PTPRO: variants seen among roughly 807,000 people sequenced by gnomAD.
PTPRO encodes receptor-type tyrosine-protein phosphatase O.
PTPRO carries 62 observed loss-of-function variants against 145.2 expected under a neutral mutation model. The ratio of observed to expected loss-of-function variants is 0.43; its 90% CI spans 0.35 to 0.53. PTPRO has a LOEUF of 0.53. Ranked by LOEUF, PTPRO falls within the 20% of genes least tolerant of loss-of-function variation. PTPRO has a pLI of 0.01. For synonymous variants in PTPRO, 565 were observed against 514.7 expected (o/e 1.10, Z -1.32); for missense variants, 1,345 against 1,482.7 (o/e 0.91, Z 1.53).
At chr12:15,554,283 A>T in intron 15 of PTPRO, among the ~76,000 whole-genome samples, 1 of 152,142 alleles carries the variant, frequency 6.6e-6, no homozygotes. Flanking sequence ...TCCAGGTCAG[A>T]GTTGGGGGAA....
chr12:15,445,006 A>AC (rs1229678457), intron 1 of PTPRO, among the ~76,000 whole-genome samples: 2 of 152,264 alleles, frequency 1.3e-5, no homozygotes, highest in East Asian at 3.9e-4. Flanking sequence ...TGTTTCAAGT[A>AC]CCCAAAAAAT....
chr12:15,430,735 C>T (rs1940412817), intron 1 of PTPRO, among the ~76,000 whole-genome samples: 1 of 151,992 alleles, frequency 6.6e-6, no homozygotes, highest in South Asian at 2.1e-4. Context: ...TCCCACCACA[C>T]ACACAAAAAG....
chr12:15,434,315 T>G (rs541536450), intron 1 of PTPRO, among the ~76,000 whole-genome samples: 1 of 152,314 alleles, frequency 6.6e-6, no homozygotes, highest in Non-Finnish European at 1.5e-5. Flanking sequence ...TACTTTTAGG[T>G]TTCTATTCAA....
chr12:15,540,102 C>G (rs530733681), intron 12 of PTPRO, among the ~76,000 whole-genome samples: 1 of 151,936 alleles, frequency 6.6e-6, no homozygotes, highest in African/African-American at 2.4e-5. Flanking sequence ...CTTAACTCAC[C>G]CTGAATAATT....
chr12:15,334,793 G>A (rs548985472), intron 1 of PTPRO, among the ~76,000 whole-genome samples: 71 of 152,166 alleles, frequency 4.7e-4, no homozygotes, highest in African/African-American at 1.6e-3. Context: ...TTATGATCAG[G>A]AGACTCACTT....
At position 15,550,468 on chromosome 12, in the gene PTPRO, G is replaced by A. The variant is rs190675506; in HGVS notation, c.2438-1083G>A. Among the ~76,000 whole-genome samples, 46 of 152,132 alleles carry A rather than the reference G, an allele frequency of 3.0e-4. 1 individual carries two copies. The highest frequency in any genetic ancestry group is 2.8e-3 in the Admixed American group (42 of 15,268). On this transcript the variant is annotated intron_variant, in intron 14 of 26. Coordinates refer to ENST00000281171, the MANE Select transcript of PTPRO (RefSeq NM_030667.3). ...ACAGTTCAAACTCATTTTGTTCAAG[G>A]GTCAACTGTACCTTAATGTCCATCA...
chr12:15,569,353 C>G lies in PTPRO; in HGVS notation c.2748-64C>G. The G allele has an allele frequency of 1.5e-5, 20 of 1,317,542 alleles. No homozygotes were observed. The South Asian group carries it at 2.4e-4, about 16-fold the overall frequency. The allele number at this position is 1,317,542 out of a possible 1,614,324, so 81.6% of individuals were successfully genotyped here. On this transcript the variant is annotated intron_variant, in intron 18 of 26. Transcript: ENST00000281171. ...GAAGATTAAGAAGTATGATATTAAA[C>G]AATATATAATACCTATCAACAAGAA...
At position 15,597,643 on chromosome 12, in the gene PTPRO, G is replaced by A. The variant is rs1944683705; in HGVS notation, c.*1570G>A. 6.6e-6 allele frequency among the ~76,000 whole-genome samples: 1 copy of A among 152,166 alleles called. No individual in the cohort carries two copies. Among genetic ancestry groups the A allele is most frequent in the Non-Finnish European group, 1.5e-5 (1 of 68,032 alleles). Reference sequence around the variant, plus strand: ...ATGGCAGACCTTGGCAGAGTTTCTTGCAAGATCTGGCCAGTGAGTCTCAGT... The same window carrying A: ...ATGGCAGACCTTGGCAGAGTTTCTTACAAGATCTGGCCAGTGAGTCTCAGT... On this transcript the variant is annotated 3_prime_UTR_variant, in exon 27 of 27. Coordinates refer to ENST00000281171, the MANE Select transcript of PTPRO (RefSeq NM_030667.3).
intron 1 of PTPRO, among the ~76,000 whole-genome samples, chr12:15,380,516 C>T (rs899202389): frequency 6.6e-6 from 1 of 152,056 alleles, no homozygotes; most frequent in African/African-American, 2.4e-5. Context: ...TTTTAAAAGA[C>T]ATATTGGGCC....
At chr12:15,509,936 C>T (rs1352298185) in intron 7 of PTPRO, among the ~76,000 whole-genome samples, 1 of 152,086 alleles carries the variant, frequency 6.6e-6, no homozygotes, top group African/African-American at 2.4e-5. Flanking sequence ...GCCCTGAGAA[C>T]CTGGGGCCCA....
chr12:15,339,925 A>G (rs1208434897), intron 1 of PTPRO, among the ~76,000 whole-genome samples: 1 of 152,166 alleles, frequency 6.6e-6, no homozygotes, highest in Non-Finnish European at 1.5e-5. Context: ...CAACTCAACA[A>G]TGTAGGTTCT....
intron 1 of PTPRO, chr12:15,439,680 G>A (rs1940702398): frequency 2.2e-6 from 1 of 445,118 alleles, no homozygotes; most frequent in East Asian, 6.2e-5. Flanking sequence ...GGAGCTCACT[G>A]AGGCAAGGCC....
At chr12:15,587,296 A>G (rs189052659) in intron 24 of PTPRO, 279 of 486,480 alleles carry the variant, frequency 5.7e-4, no homozygotes, top group Non-Finnish European at 1.1e-4. Flanking sequence ...AAGGGTAGAG[A>G]TGTTAAGGGA....
At chr12:15,566,215 C>A (rs1943894849) in intron 18 of PTPRO, among the ~76,000 whole-genome samples, 1 of 152,268 alleles carries the variant, frequency 6.6e-6, no homozygotes, top group African/African-American at 2.4e-5. Flanking sequence ...CACCTCCATG[C>A]CTTTTCTTAG....
At chr12:15,391,566 T>C (rs1440073392) in intron 1 of PTPRO, among the ~76,000 whole-genome samples, 1 of 152,118 alleles carries the variant, frequency 6.6e-6, no homozygotes, top group Non-Finnish European at 1.5e-5. Flanking sequence ...CCACACACAC[T>C]CCTTCATGTC....
At chr12:15,510,875 A>AGG (rs1942423860) in intron 7 of PTPRO, among the ~76,000 whole-genome samples, 3 of 152,072 alleles carry the variant, frequency 2.0e-5, no homozygotes, top group Admixed American at 6.6e-5. Flanking sequence ...ATTATTTAAG[A>AGG]GTCCATCATA....
chr12:15,393,939 C>T (rs950143322), intron 1 of PTPRO, among the ~76,000 whole-genome samples: 6 of 152,198 alleles, frequency 3.9e-5, no homozygotes, highest in African/African-American at 1.4e-4. Flanking sequence ...CAGGGCATCA[C>T]ATGGCAAGGA....
rs1174707177 is a variant in PTPRO, at chr12:15,410,232, T to G, written c.76-73742T>G. The G allele has an allele frequency of 2.6e-5, 4 of 152,232 alleles. No homozygotes were observed. In the East Asian group the frequency reaches 7.7e-4, roughly 29 times the overall value. The allele number at this position is 152,232 out of a possible 1,614,324, so 9.4% of individuals were successfully genotyped here. On this transcript the variant is annotated intron_variant, in intron 1 of 26. Transcript: ENST00000281171. ...GTCATAGTTAATTTTATATGTCAAC[T>G]TGACTTGGCCATGGATGCTCAGATA...
intron 4 of PTPRO, 22 bp downstream of exon 4, chr12:15,499,616 A>G: frequency 6.2e-7 from 1 of 1,603,858 alleles, no homozygotes; most frequent in Non-Finnish European, 8.5e-7. Flanking sequence ...GAAGAATCAA[A>G]TACAGTGAAA....
Sources: gnomAD v4.1 joint callset for allele counts (sites outside exome capture counted in the v4.1 genomes callset) on GRCh38, gnomAD v4.1.1 for gene constraint, MANE v1.5 for transcripts, NCBI Gene and HGNC (gene_info 2026-07-23, HGNC 2026-07-21) for gene names.